Variants in NCOR2 observed in about 807,000 individuals in gnomAD.
The protein encoded by NCOR2 is nuclear receptor corepressor 2, also known as CTG repeat protein 26.
NCOR2 carries 81 observed loss-of-function variants against 262.9 expected under a neutral mutation model. That is an observed-to-expected ratio of 0.31 (90% CI 0.26 to 0.37). The LOEUF is 0.37. NCOR2 is among the 10% of genes least tolerant of loss of function. NCOR2 has a pLI of 1.00. For missense variants in NCOR2, 3,385 were observed against 3,621.4 expected (o/e 0.93, Z 1.68); for synonymous variants, 1,659 against 1,559.3 (o/e 1.06, Z -1.51).
At chr12:124,369,647 G>A (rs976558660) in intron 20 of NCOR2, among the ~76,000 whole-genome samples, 2 of 152,090 alleles carry the variant, frequency 1.3e-5, no homozygotes, top group East Asian at 1.9e-4. Context: ...GTCCAGCCTC[G>A]TTCACTGAGA....
intron 1 of NCOR2, among the ~76,000 whole-genome samples, chr12:124,518,593 A>G (rs376727766): frequency 2.0e-5 from 3 of 152,382 alleles, no homozygotes; most frequent in East Asian, 1.9e-4. Context: ...AGGGAATTAC[A>G]TAAGTCCACT....
At chr12:124,556,930 G>A (rs2051902722) in intron 1 of NCOR2, among the ~76,000 whole-genome samples, 1 of 152,200 alleles carries the variant, frequency 6.6e-6, no homozygotes, top group Non-Finnish European at 1.5e-5. Flanking sequence ...TGCTCCGGCA[G>A]GGTGAGTGCA....
chr12:124,362,341 A>G (rs550690423), intron 21 of NCOR2, 44 bp from the exon 24 acceptor site: 2 of 1,323,492 alleles, frequency 1.5e-6, no homozygotes, highest in East Asian at 2.7e-5. Context: ...AGGGTGTCTG[A>G]AAGTGACAGG....
At chr12:124,346,368 A>C (rs1324576804) in intron 31 of NCOR2, among the ~76,000 whole-genome samples, 196 bp downstream of exon 33, 1 of 152,172 alleles carries the variant, frequency 6.6e-6, no homozygotes, top group Non-Finnish European at 1.5e-5. Flanking sequence ...CAGTAGAATC[A>C]GGTCAGGAGC....
chr12:124,335,542 T>C, exon 39 of NCOR2: 2 of 1,609,462 alleles, frequency 1.2e-6, no homozygotes, highest in South Asian at 1.1e-5. Flanking sequence ...TTCCAGGTGC[T>C]TGGGGAGCCC....
intron 41 of NCOR2, 65 bp from the exon 44 acceptor site, chr12:124,333,344 C>A: frequency 7.4e-7 from 1 of 1,349,244 alleles, no homozygotes; most frequent in Non-Finnish European, 9.6e-7. Flanking sequence ...CACCCTCCCT[C>A]CACTCTAAAC....
intron 16 of NCOR2, among the ~76,000 whole-genome samples, chr12:124,397,244 C>T (rs1028002966): frequency 1.3e-5 from 2 of 152,214 alleles, no homozygotes; most frequent in Non-Finnish European, 2.9e-5. Context: ...CAGGCACGGC[C>T]GAGGGAGGGA....
At chr12:124,471,351 G>A (rs555623986) in intron 4 of NCOR2, among the ~76,000 whole-genome samples, 3 of 152,262 alleles carry the variant, frequency 2.0e-5, no homozygotes, top group East Asian at 1.9e-4. Context: ...CACTAGATAT[G>A]AGCCTGTTTC....
rs538757338 is a variant in NCOR2, at chr12:124,341,057, C to T, written c.5189-306G>A. 7.2e-5 allele frequency among the ~76,000 whole-genome samples: 11 copies of T among 152,360 alleles called. No individual in the cohort carries two copies. In the South Asian group the frequency reaches 2.1e-3, roughly 29 times the overall value. On this transcript the variant is annotated intron_variant, in intron 34 of 46. Coordinates refer to ENST00000405201, the Ensembl canonical transcript of NCOR2. ...GCCTCTGACGCCTACACAATCCATT[C>T]CCTGTATTCAATCCTCACTGTTCAA...
chr12:124,522,098 G>C (rs771486218), intron 1 of NCOR2, among the ~76,000 whole-genome samples: 4 of 152,178 alleles, frequency 2.6e-5, no homozygotes, highest in Non-Finnish European at 4.4e-5. Context: ...CCTGAAAGCT[G>C]GGTCCAACTC....
rs933599178 is a variant in NCOR2, at chr12:124,440,130, A to C, written c.816-2134T>G. On this transcript the variant is annotated intron_variant, in intron 7 of 46. Transcript: ENST00000405201. The surrounding 1 kb of genome is among the most constrained non-coding windows in gnomAD (Gnocchi z 5.7). Reference sequence around the variant, plus strand: ...GCACCTTAACTTGCTGTCTGTCCCCAATCCGCGGCATTCAGTGGCACCCGC... The same window carrying C: ...GCACCTTAACTTGCTGTCTGTCCCCCATCCGCGGCATTCAGTGGCACCCGC... Among the ~76,000 whole-genome samples the C allele has an allele frequency of 6.6e-6, 1 of 152,122 alleles. No homozygotes were observed. The highest frequency in any genetic ancestry group is 1.5e-5 in the Non-Finnish European group (1 of 68,012).
chr12:124,359,693 T>C (rs947261298), intron 22 of NCOR2, among the ~76,000 whole-genome samples: 1 of 152,192 alleles, frequency 6.6e-6, no homozygotes, highest in Non-Finnish European at 1.5e-5. Context: ...GGAGGGGAGC[T>C]GTTCGATGCT....
chr12:124,327,532 A>G (rs759407295), exon 45 of NCOR2: 1 of 1,613,820 alleles, frequency 6.2e-7, no homozygotes, highest in Non-Finnish European at 8.5e-7. Context: ...GACTCTTCCC[A>G]CTGGTCATAT....
chr12:124,339,893 G>GCCCCCCCCCCCCCCCCCC, intron 37 of NCOR2, 113 bp downstream of exon 39: 1 of 565,996 alleles, frequency 1.8e-6, no homozygotes, highest in Non-Finnish European at 3.0e-6. Flanking sequence ...CCACACATCT[G>GCCCCCCCCCCCCCCCCCC]CCCACCCACC....
chr12:124,334,048 A>G (rs2035647119), intron 41 of NCOR2, among the ~76,000 whole-genome samples: 1 of 109,418 alleles, frequency 9.1e-6, no homozygotes, highest in African/African-American at 2.6e-5. Context: ...CTCTCTAATC[A>G]TACAGCCCTG....
At position 124,531,230 on chromosome 12, in the gene NCOR2, G is replaced by GATA. The variant is rs976434664; in HGVS notation, c.-118+4332_-118+4334dup. On this transcript the variant is annotated intron_variant, in intron 1 of 46. Coordinates refer to the NCOR2 transcript ENST00000404621. The surrounding 1 kb of genome is among the most constrained non-coding windows in gnomAD (Gnocchi z 4.5). ...AGCCCACCCGTTTATGAAAGAAAAT[G>GATA]ATAATAATAATAGAAGGACAGGGAG... Among the ~76,000 whole-genome samples, 1 of 152,106 alleles carries GATA rather than the reference G, an allele frequency of 6.6e-6. No individual in the cohort carries two copies. The highest frequency in any genetic ancestry group is 2.4e-5 in the African/African-American group (1 of 41,426).
At chr12:124,449,286 C>T (rs899426660) in intron 7 of NCOR2, among the ~76,000 whole-genome samples, 2 of 152,212 alleles carry the variant, frequency 1.3e-5, no homozygotes, top group Non-Finnish European at 2.9e-5. Flanking sequence ...TAGAATACAT[C>T]ACATTGGCCA....
intron 33 of NCOR2, 60 bp from the exon 36 acceptor site, chr12:124,342,134 C>T (rs2036506166): frequency 6.5e-7 from 1 of 1,532,132 alleles, no homozygotes; most frequent in Non-Finnish European, 8.8e-7. Context: ...TGGTGTCGCT[C>T]CACCTGTCTG....
At chr12:124,341,944 G>A (rs775906807) in exon 34 of NCOR2, 15 of 1,613,306 alleles carry the variant, frequency 9.3e-6, no homozygotes, top group South Asian at 1.1e-5. Context: ...GCGAGGTGAT[G>A]TAGTCATTGA....
Sources: gnomAD v4.1 joint callset for allele counts (sites outside exome capture counted in the v4.1 genomes callset) on GRCh38, gnomAD v4.1.1 for gene constraint, Gnocchi (gnomAD v3.1) non-coding constraint, MANE v1.5 for transcripts, NCBI Gene and HGNC (gene_info 2026-07-23, HGNC 2026-07-21) for gene names.